PHF3: variants seen among roughly 807,000 people sequenced by gnomAD.
The protein encoded by PHF3 is PHD finger protein 3.
A neutral mutation model predicts 178.4 loss-of-function variants in PHF3; 41 were observed. The observed-to-expected ratio is 0.23, with a 90% CI of 0.18 to 0.30. The LOEUF is 0.30. PHF3 is among the 10% of genes least tolerant of loss of function. The pLI, the probability that PHF3 is intolerant of heterozygous loss-of-function variation, is 1.00. For synonymous variants in PHF3, 842 were observed against 800.5 expected (o/e 1.05, Z -0.88); for missense variants, 2,346 against 2,398.1 (o/e 0.98, Z 0.45).
rs1246624998 is a variant in PHF3, at chr6:63,721,449, G to T, written c.*7741G>T. The T allele has an allele frequency of 1.3e-6, 2 of 1,551,468 alleles. No homozygotes were observed. The highest frequency in any genetic ancestry group is 1.7e-6 in the Non-Finnish European group (2 of 1,146,920). On this transcript the variant is annotated 3_prime_UTR_variant, in exon 16 of 16. Transcript: ENST00000262043. ...TGAGCCACCTTTTGCTCCAAATTCA[G>T]TTAATTGTAATTCTTGATTATTTAT...
At position 63,635,832 on chromosome 6, in the gene PHF3, G is replaced by A. The variant is rs561878625; in HGVS notation, c.-344G>A. On this transcript the variant is annotated 5_prime_UTR_variant, in exon 1 of 16. Coordinates refer to ENST00000262043, the MANE Select transcript of PHF3 (RefSeq NM_001370348.2). ...GGTCACGTGACACGGCCCCTCTCCA[G>A]CTCCCGCGCCGCCGCCGCACGCCGA... 8 of 395,720 alleles carry A rather than the reference G, an allele frequency of 2.0e-5. No individual in the cohort carries two copies. The highest frequency in any genetic ancestry group is 1.8e-4 in the East Asian group (5 of 27,956). The allele number at this position is 395,720 out of a possible 1,614,324, so 24.5% of individuals were successfully genotyped here. A position where few individuals can be genotyped will look rare whatever the true frequency, so the allele number is the denominator to read the frequency against.
rs367615513 is a variant in PHF3 at position 63,685,401 on chromosome 6, G to A, written c.1679G>A (p.Ser560Asn). ...ATTGATAAGGAGCCAAAGATTCAGA[G>A]TTGCAATTCTGGGGTTAAATCTGTG... ...KQIDKEPKIQ[S>N]CNSGVKSVKN... Residue 560 changes from serine to asparagine, a missense_variant, in exon 4 of 16, where the codon AGT becomes AAT. Physicochemically the swap from Ser to Asn is conservative, Grantham distance 46. Coordinates refer to ENST00000262043, the MANE Select transcript of PHF3 (RefSeq NM_001370348.2). The A allele has an allele frequency of 1.4e-5, 23 of 1,613,866 alleles. No homozygotes were observed. The African/African-American group carries it at 2.8e-4, about 20-fold the overall frequency.
chr6:63,636,297 C>T (rs1015639262), intron 1 of PHF3, 147 bp downstream of exon 1: 9 of 218,546 alleles, frequency 4.1e-5, no homozygotes, highest in African/African-American at 1.1e-4. Flanking sequence ...GAGAGATCGC[C>T]TCTCGGGCCT....
At chr6:63,683,115 G>A (rs1334874087) in intron 3 of PHF3, among the ~76,000 whole-genome samples, 2 of 151,796 alleles carry the variant, frequency 1.3e-5, no homozygotes, top group Non-Finnish European at 2.9e-5. Flanking sequence ...TGTGTCCTAT[G>A]GGAATTAGAA....
intron 2 of PHF3, among the ~76,000 whole-genome samples, chr6:63,647,415 A>G (rs900740363): frequency 6.6e-6 from 1 of 152,218 alleles, no homozygotes; most frequent in African/African-American, 2.4e-5. Context: ...GAGATGTGCT[A>G]TAAAATGCAC....
intron 2 of PHF3, among the ~76,000 whole-genome samples, chr6:63,667,956 A>T (rs982053187): frequency 6.6e-6 from 1 of 152,178 alleles, no homozygotes; most frequent in African/African-American, 2.4e-5. Context: ...TGAGAGCAAA[A>T]TCTCTTCTTC....
At chr6:63,660,091 A>G (rs1279313000) in intron 2 of PHF3, among the ~76,000 whole-genome samples, 1 of 152,072 alleles carries the variant, frequency 6.6e-6, no homozygotes, top group Non-Finnish European at 1.5e-5. Flanking sequence ...CAAAGAAGAT[A>G]GTTCTTTTTC....
At chr6:63,704,460 T>G (rs1265745800) in intron 11 of PHF3, among the ~76,000 whole-genome samples, 2 of 150,846 alleles carry the variant, frequency 1.3e-5, no homozygotes, top group African/African-American at 2.4e-5. Flanking sequence ...GTCTCTGTAG[T>G]TTTGCTTTTT....
At chr6:63,709,046 A>G (rs1394143105) in intron 13 of PHF3, 105 bp from the exon 14 acceptor site, 3 of 572,738 alleles carry the variant, frequency 5.2e-6, no homozygotes, top group East Asian at 3.3e-5. Context: ...ACTTGTTTTT[A>G]TTACTGTTTC....
At chr6:63,668,098 A>C (rs1430682154) in intron 2 of PHF3, among the ~76,000 whole-genome samples, 1 of 152,218 alleles carries the variant, frequency 6.6e-6, no homozygotes, top group Admixed American at 6.5e-5. Flanking sequence ...AGTCAGTTGT[A>C]GCAAAATGAT....
At chr6:63,707,728 T>C (rs997609156) in intron 13 of PHF3, among the ~76,000 whole-genome samples, 3 of 151,186 alleles carry the variant, frequency 2.0e-5, no homozygotes, top group Non-Finnish European at 4.4e-5. Context: ...TGCCTGTCTT[T>C]TTTTTTTTTT....
chr6:63,706,690 C>A, intron 12 of PHF3, 39 bp from the exon 13 acceptor site: 1 of 1,596,282 alleles, frequency 6.3e-7, no homozygotes, highest in Non-Finnish European at 8.6e-7. Context: ...TTGATTTATT[C>A]ATCAGCTTGT....
At chr6:63,647,368 A>G (rs553142649) in intron 2 of PHF3, among the ~76,000 whole-genome samples, 20 of 152,302 alleles carry the variant, frequency 1.3e-4, no homozygotes, top group Middle Eastern at 3.4e-3. Flanking sequence ...GTCATTTGCA[A>G]TGAGTCTGGT....
rs1435192406 is a variant in PHF3 at position 63,697,052 on chromosome 6, TAGAA to T, written c.2681-1167_2681-1164del. ...TGTAAGACTAATGGGAATGATCCAA[TAGAA>T]AGAGACGGCTAGAGAGAGATGATGT... On this transcript the variant is annotated intron_variant, in intron 6 of 15. Coordinates refer to ENST00000262043, the MANE Select transcript of PHF3 (RefSeq NM_001370348.2). Among the ~76,000 whole-genome samples, 13 of 152,160 alleles carry T rather than the reference TAGAA, an allele frequency of 8.5e-5. No individual in the cohort carries two copies. In the South Asian group the frequency reaches 2.7e-3, roughly 32 times the overall value.
chr6:63,709,139 TTTTA>T lies in PHF3; in HGVS notation c.3712-11_3712-8del. The stretch of plus-strand genomic sequence containing the variant: ...ATATATATTGATCTCTTTTTTTTTT[TTTTA>T]ACCATAGGACCTACCAGATAGTATT... On this transcript the variant is annotated splice_region_variant and splice_polypyrimidine_tract_variant and intron_variant, in intron 13 of 15. Coordinates refer to ENST00000262043, the MANE Select transcript of PHF3 (RefSeq NM_001370348.2). 1 of 1,459,090 alleles carries T rather than the reference TTTTA, an allele frequency of 6.9e-7. No homozygotes were observed. The highest frequency in any genetic ancestry group is 1.4e-5 in the African/African-American group (1 of 69,800). 90.4% of individuals were successfully genotyped at this position (1,459,090 alleles called of 1,614,324 possible). A position where few individuals can be genotyped will look rare whatever the true frequency, so the allele number is the denominator to read the frequency against.
chr6:63,688,729 A>G (rs1766863085), intron 4 of PHF3, among the ~76,000 whole-genome samples: 1 of 152,164 alleles, frequency 6.6e-6, no homozygotes, highest in South Asian at 2.1e-4. Context: ...TACTCAGAAA[A>G]TGCACCTGTC....
chr6:63,707,136 A>G (rs1219405100), intron 13 of PHF3, among the ~76,000 whole-genome samples: 1 of 152,246 alleles, frequency 6.6e-6, no homozygotes, highest in African/African-American at 2.4e-5. Flanking sequence ...TTCAAAATCA[A>G]TGAGAGTCTA....
chr6:63,709,316 G>C, intron 14 of PHF3, 76 bp downstream of exon 14: 1 of 968,536 alleles, frequency 1.0e-6, no homozygotes, highest in South Asian at 1.4e-5. Flanking sequence ...CTTATGCAAG[G>C]GTGCAAAGTC....
chr6:63,688,378 A>C (rs1766843032), intron 4 of PHF3, among the ~76,000 whole-genome samples: 2 of 101,006 alleles, frequency 2.0e-5, no homozygotes, highest in Middle Eastern at 4.6e-3. Context: ...ACTGTTGCCC[A>C]GGGGTGGAGA....
Sources: gnomAD v4.1 joint callset for allele counts (sites outside exome capture counted in the v4.1 genomes callset) on GRCh38, gnomAD v4.1.1 for gene constraint, MANE v1.5 for transcripts, NCBI Gene and HGNC (gene_info 2026-07-23, HGNC 2026-07-21) for gene names.